The following CAMSAP2 variants were observed in gnomAD, a reference collection of about 807,000 sequenced individuals.
The protein encoded by CAMSAP2 is calmodulin-regulated spectrin-associated protein 2.
In CAMSAP2, 26 loss-of-function variants were observed where a neutral mutation model predicts 146.1. The ratio of observed to expected loss-of-function variants is 0.18; its 90% CI spans 0.13 to 0.25. CAMSAP2 has a LOEUF of 0.25. Among genes scored for constraint, CAMSAP2 ranks in the 10% least tolerant of loss-of-function variants. CAMSAP2 has a pLI of 1.00. For missense variants in CAMSAP2, 1,381 were observed against 1,759.3 expected, an observed-to-expected ratio of 0.78 and a Z score of 3.85; for synonymous variants, 499 against 596.6, an observed-to-expected ratio of 0.84 and a Z score of 2.38.
At chr1:200,855,895 T>G in intron 14 of CAMSAP2, 115 bp from the exon 15 acceptor site, 11 of 695,886 alleles carry the variant, frequency 1.6e-5, no homozygotes, top group East Asian at 2.6e-5. Context: ...GCGCCCGGCC[T>G]TATCATATTA....
chr1:200,767,438 G>A (rs1184068076), intron 2 of CAMSAP2, among the ~76,000 whole-genome samples: 1 of 147,880 alleles, frequency 6.8e-6, no homozygotes, highest in Non-Finnish European at 1.5e-5. Context: ...AATGTATTGA[G>A]AACAGAGAAG....
chr1:200,768,290 A>C (rs542122558), intron 2 of CAMSAP2, among the ~76,000 whole-genome samples: 1 of 152,314 alleles, frequency 6.6e-6, no homozygotes, highest in Admixed American at 6.5e-5. Flanking sequence ...TTGGGAGTAT[A>C]ATGGGATGTT....
chr1:200,817,161 C>T lies in CAMSAP2; in HGVS notation c.645+1517C>T, dbSNP rs557791777. 6.1e-3 allele frequency among the ~76,000 whole-genome samples: 521 copies of T among 86,014 alleles called. 5 individuals are homozygous for T. Among genetic ancestry groups the T allele is most frequent in the African/African-American group, 0.024 (462 of 18,982 alleles). 56.4% of individuals were successfully genotyped at this position (86,014 alleles called of 152,430 possible). On this transcript the variant is annotated intron_variant, in intron 4 of 16. Coordinates refer to ENST00000358823, the MANE Select transcript of CAMSAP2 (RefSeq NM_203459.4). ...GTATATATACACATACACACATACA[C>T]ACACGTGTGTGTATATACACACACA...
chr1:200,858,691 G>T lies in CAMSAP2; in HGVS notation c.*632G>T, dbSNP rs1667808817. ...ACAACTCTATTTATTATTCACTCAA[G>T]TATTAACATTCTCTATTAAATAAGA... On this transcript the variant is annotated 3_prime_UTR_variant, in exon 17 of 17. Coordinates refer to ENST00000358823, the MANE Select transcript of CAMSAP2 (RefSeq NM_203459.4). The T allele has an allele frequency of 6.6e-6, 1 of 152,590 alleles. No homozygotes were observed. Among genetic ancestry groups the T allele is most frequent in the African/African-American group, 2.4e-5 (1 of 41,414 alleles). 9.5% of individuals were successfully genotyped at this position (152,590 alleles called of 1,614,324 possible). A position where few individuals can be genotyped will look rare whatever the true frequency, so the allele number is the denominator to read the frequency against.
chr1:200,763,894 C>G lies in CAMSAP2; in HGVS notation c.399+2796C>G, dbSNP rs556247855. 2.8e-4 allele frequency among the ~76,000 whole-genome samples: 43 copies of G among 151,978 alleles called. 1 individual carries two copies. Among genetic ancestry groups the G allele is most frequent in the Non-Finnish European group, 5.7e-4 (39 of 67,940 alleles). On this transcript the variant is annotated intron_variant, in intron 2 of 16. Transcript: ENST00000358823. ...TTTGAGACCAGCCTAGCCAACATGG[C>G]GAAACCCCATCTCTACTAAAAATAC...
At chr1:200,795,472 G>A (rs543478028) in intron 2 of CAMSAP2, among the ~76,000 whole-genome samples, 4 of 152,154 alleles carry the variant, frequency 2.6e-5, no homozygotes, top group Non-Finnish European at 5.9e-5. Context: ...TACTATATTG[G>A]TTTGACTACT....
intron 2 of CAMSAP2, among the ~76,000 whole-genome samples, chr1:200,801,266 GAAAA>G (rs397816350): frequency 7.0e-6 from 1 of 141,904 alleles, no homozygotes; most frequent in Admixed American, 7.0e-5. Flanking sequence ...CCATCTCAAA[GAAAA>G]AAAAAAAAAT....
chr1:200,790,611 C>G (rs1028341492), intron 2 of CAMSAP2, among the ~76,000 whole-genome samples: 3 of 152,160 alleles, frequency 2.0e-5, no homozygotes, highest in Non-Finnish European at 2.9e-5. Flanking sequence ...GTCTGTCTCT[C>G]CATCCTTTGG....
chr1:200,806,743 TTGTGTGTGTG>T (rs138066870), intron 2 of CAMSAP2, among the ~76,000 whole-genome samples: 125 of 145,134 alleles, frequency 8.6e-4, no homozygotes, highest in African/African-American at 2.6e-3. Flanking sequence ...TTCCATATAA[TTGTGTGTGTG>T]TGTGTGTGTG....
chr1:200,776,228 G>C (rs1452750696), intron 2 of CAMSAP2, among the ~76,000 whole-genome samples: 1 of 152,156 alleles, frequency 6.6e-6, no homozygotes, highest in Non-Finnish European at 1.5e-5. Context: ...CCAGCCTTCA[G>C]GTTGCTTTGT....
At chr1:200,765,246 C>T (rs9659489) in intron 2 of CAMSAP2, among the ~76,000 whole-genome samples, 4 of 151,986 alleles carry the variant, frequency 2.6e-5, no homozygotes, top group South Asian at 2.1e-4. Flanking sequence ...TTTATTTTTT[C>T]GAGACTGAAT....
intron 2 of CAMSAP2, among the ~76,000 whole-genome samples, chr1:200,795,712 A>G (rs1458834891): frequency 2.0e-5 from 3 of 152,146 alleles, no homozygotes; most frequent in Non-Finnish European, 4.4e-5. Flanking sequence ...TATCTTGGAA[A>G]CACTTCTTCA....
At chr1:200,779,629 A>G (rs1443672490) in intron 2 of CAMSAP2, among the ~76,000 whole-genome samples, 1 of 152,208 alleles carries the variant, frequency 6.6e-6, no homozygotes, top group Non-Finnish European at 1.5e-5. Context: ...GAAGACAAAT[A>G]TTCAACTAAT....
chr1:200,763,308 G>A (rs1664850593), intron 2 of CAMSAP2, among the ~76,000 whole-genome samples: 1 of 152,146 alleles, frequency 6.6e-6, no homozygotes, highest in South Asian at 2.1e-4. Flanking sequence ...GGAGACAAAG[G>A]CTGGCGGATC....
At position 200,849,868 on chromosome 1, in the gene CAMSAP2, C is replaced by A. The variant is rs1334447495; in HGVS notation, c.3099C>A (p.Ser1033=). The A allele has an allele frequency of 6.2e-7, 1 of 1,614,042 alleles. No individual in the cohort carries two copies. The highest frequency in any genetic ancestry group is 1.7e-5 in the Admixed American group (1 of 60,002). Residue 1033 remains serine (S), a synonymous_variant, in exon 11 of 17, where the codon TCC becomes TCA. Transcript: ENST00000358823. This position sits in a 1 kb window ranked among gnomAD's most constrained non-coding sequence, Gnocchi z 6.3. ...ATGGAGAACCTCAGTTAAAGGAATCCAAACCTAAAGAGGAAGTTAAAAAGG... is the reference window on the plus strand; with the variant it reads ...ATGGAGAACCTCAGTTAAAGGAATCAAAACCTAAAGAGGAAGTTAAAAAGG... ...GDDGEPQLKE[S]KPKEEVKKEE...
intron 3 of CAMSAP2, 101 bp from the exon 4 acceptor site, chr1:200,815,460 C>A: frequency 5.8e-6 from 3 of 512,968 alleles, no homozygotes; most frequent in Admixed American, 4.1e-5. Flanking sequence ...GACATCAGGG[C>A]TCTGACTATA....
intron 1 of CAMSAP2, among the ~76,000 whole-genome samples, chr1:200,743,589 A>G (rs948366464): frequency 6.7e-6 from 1 of 149,424 alleles, no homozygotes; most frequent in South Asian, 2.1e-4. Flanking sequence ...ACCAATAAGA[A>G]AAAAAAAAAA....
chr1:200,799,545 A>G (rs1324680737), intron 2 of CAMSAP2, among the ~76,000 whole-genome samples: 1 of 152,022 alleles, frequency 6.6e-6, no homozygotes, highest in Non-Finnish European at 1.5e-5. Flanking sequence ...TATTGTATCT[A>G]TTTGATTCTT....
intron 6 of CAMSAP2, among the ~76,000 whole-genome samples, chr1:200,840,308 A>T (rs1667291083): frequency 6.6e-6 from 1 of 152,026 alleles, no homozygotes; most frequent in Non-Finnish European, 1.5e-5. Context: ...TTTTAGAGAC[A>T]GGGTCTCACT....
Sources: allele counts gnomAD v4.1 joint callset (sites outside exome capture counted in the v4.1 genomes callset), GRCh38; gene constraint gnomAD v4.1.1; non-coding constraint Gnocchi (gnomAD v3.1); transcripts MANE v1.5; gene names NCBI Gene and HGNC (gene_info 2026-07-23, HGNC 2026-07-21).